NDUFC1: variants seen among roughly 807,000 people sequenced by gnomAD.
NDUFC1 encodes the protein NADH:ubiquinone oxidoreductase subunit C1, also known as NADH dehydrogenase [ubiquinone] 1 subunit C1, mitochondrial.
Under a neutral mutation model 11.6 loss-of-function variants are expected in NDUFC1, and 11 were observed. That is an observed-to-expected ratio of 0.95 (90% confidence interval 0.60 to 1.58). NDUFC1 has a LOEUF of 1.58. NDUFC1 is among the 40% of genes most tolerant of loss of function. The pLI is 0.00. For synonymous variants in NDUFC1, 52 were observed against 42.2 expected (o/e 1.23, Z -0.90); for missense variants, 112 against 93.0 (o/e 1.20, Z -0.84).
At chr4:139,291,498 C>A (rs1579057751) in intron 5 of NDUFC1, among the ~76,000 whole-genome samples, 1 of 151,894 alleles carries the variant, frequency 6.6e-6, no homozygotes, top group East Asian at 2.0e-4. Context: ...TTGCTTGAAC[C>A]TGGGAGGCGG....
intron 1 of NDUFC1, chr4:139,301,558 T>G: frequency 3.4e-6 from 2 of 580,230 alleles, no homozygotes; most frequent in Non-Finnish European, 6.1e-6. Context: ...CGGAGACCCG[T>G]AGTGGGGGAG....
At chr4:139,290,115 T>G (rs994503482) in intron 5 of NDUFC1, 23 bp from the exon 6 acceptor site, 9 of 150,342 alleles carry the variant, frequency 6.0e-5, no homozygotes, top group African/African-American at 1.7e-4. Context: ...AAAAAAAAAC[T>G]GTAGCATTAA....
chr4:139,295,671 G>A (rs1264138070), intron 3 of NDUFC1, 61 bp downstream of exon 3: 2 of 1,499,776 alleles, frequency 1.3e-6, no homozygotes, highest in East Asian at 5.1e-5. Flanking sequence ...CCCGTGGGCT[G>A]GGTCCGCCTT....
chr4:139,294,628 G>C (rs1327064462), intron 4 of NDUFC1, among the ~76,000 whole-genome samples: 1 of 151,754 alleles, frequency 6.6e-6, no homozygotes, highest in Non-Finnish European at 1.5e-5. Context: ...CTAGCTACTT[G>C]GGAGGCTGAG....
intron 4 of NDUFC1, 61 bp downstream of exon 4, chr4:139,294,982 G>A: frequency 7.9e-7 from 1 of 1,266,728 alleles, no homozygotes; most frequent in Non-Finnish European, 1.2e-6. Context: ...ATCTCGCAAT[G>A]TTATGTCATT....
chr4:139,293,875 C>T (rs1229171986), intron 4 of NDUFC1, among the ~76,000 whole-genome samples: 3 of 148,882 alleles, frequency 2.0e-5, no homozygotes, highest in South Asian at 2.1e-4. Context: ...GTAGGTGCCA[C>T]GTAGTGTTGT....
intron 4 of NDUFC1, among the ~76,000 whole-genome samples, chr4:139,293,922 T>C (rs1745338943): frequency 6.9e-6 from 1 of 145,134 alleles, no homozygotes; most frequent in Non-Finnish European, 1.5e-5. Flanking sequence ...GTAAAGCATG[T>C]GGTGTGAATT....
At chr4:139,296,864 A>G (rs901901363) in intron 2 of NDUFC1, among the ~76,000 whole-genome samples, 1 of 152,254 alleles carries the variant, frequency 6.6e-6, no homozygotes, top group African/African-American at 2.4e-5. Context: ...TTTTAAAACC[A>G]AAATAAATGT....
At chr4:139,294,769 T>C (rs1745385049) in intron 4 of NDUFC1, among the ~76,000 whole-genome samples, 1 of 151,820 alleles carries the variant, frequency 6.6e-6, no homozygotes, top group South Asian at 2.1e-4. Context: ...TACTATTTAG[T>C]AAAACTGCCA....
chr4:139,301,486 C>G (rs1319094909), intron 1 of NDUFC1: 1 of 454,778 alleles, frequency 2.2e-6, no homozygotes, highest in East Asian at 3.5e-5. Flanking sequence ...GTGGGAAAAC[C>G]CTCCGCGTCC....
At position 139,295,120 on chromosome 4, in the gene NDUFC1, G is replaced by C; in HGVS notation, c.94C>G (p.Arg32Gly). 3 of 1,614,146 alleles carry C rather than the reference G, an allele frequency of 1.9e-6. No individual in the cohort carries two copies. The highest frequency in any genetic ancestry group is 2.5e-6 in the Non-Finnish European group (3 of 1,180,002). The stretch of plus-strand genomic sequence containing the variant: ...TCAGGTTTGGCATTCGGCGGCTCTC[G>C]CACGTAGAACTTTGATCGCACTGAA... ...GPSVRSKFYV[R>G]EPPNAKPDWL... is the part of the protein sequence containing the mutation. The change falls in exon 4 of 6, where the codon CGA becomes GGA. Residue 32 changes from arginine to glycine, a missense_variant. Transcript: ENST00000394223.
intron 1 of NDUFC1, among the ~76,000 whole-genome samples, chr4:139,299,245 G>C (rs1274123173): frequency 6.6e-6 from 1 of 151,842 alleles, no homozygotes; most frequent in African/African-American, 2.4e-5. Flanking sequence ...TGGGATTACA[G>C]GTGTGAGCCA....
Position 139,293,930 on chromosome 4 carries a change from A to ATTTTTTTTTT in NDUFC1, c.171+1103_171+1112dup, listed in dbSNP as rs775805536. On this transcript the variant is annotated intron_variant, in intron 4 of 5. Transcript: ENST00000394223. ...TTTATGTGTAAAGCATGTGGTGTGA[A>ATTTTTTTTTT]TTTTTTTTTTTTTTTTTTTTTTTTT... Among the ~76,000 whole-genome samples the ATTTTTTTTTT allele has an allele frequency of 2.9e-3, 199 of 69,740 alleles. 14 individuals carry two copies. The highest frequency in any genetic ancestry group is 0.012 in the African/African-American group (185 of 15,742). 45.8% of individuals were successfully genotyped at this position (69,740 alleles called of 152,430 possible).
chr4:139,295,648 G>A, intron 3 of NDUFC1, 84 bp downstream of exon 3: 2 of 1,433,624 alleles, frequency 1.4e-6, no homozygotes, highest in African/African-American at 1.5e-5. Context: ...CCGGGCCGCT[G>A]CCGCCTCCTG....
intron 4 of NDUFC1, among the ~76,000 whole-genome samples, chr4:139,292,978 G>A (rs1002918125): frequency 6.3e-4 from 96 of 151,810 alleles, no homozygotes; most frequent in Admixed American, 4.9e-3. Flanking sequence ...CTGCCACCAC[G>A]CCTGGCTAAT....
At chr4:139,290,575 T>C (rs1745169499) in intron 5 of NDUFC1, among the ~76,000 whole-genome samples, 1 of 151,984 alleles carries the variant, frequency 6.6e-6, no homozygotes, top group African/African-American at 2.4e-5. Context: ...AAAAAAAGGA[T>C]AGTCTGTGAT....
At chr4:139,290,975 A>G (rs1299337616) in intron 5 of NDUFC1, among the ~76,000 whole-genome samples, 1 of 151,150 alleles carries the variant, frequency 6.6e-6, no homozygotes, top group African/African-American at 2.4e-5. Flanking sequence ...ATGCCTAGCT[A>G]TTTTTTGTGT....
At chr4:139,301,790 A>G (rs1745763595) in intron 1 of NDUFC1, 1 of 1,583,532 alleles carries the variant, frequency 6.3e-7, no homozygotes, top group Non-Finnish European at 8.6e-7. Flanking sequence ...GCCGGCCGTG[A>G]GCCTCCCGCC....
At chr4:139,301,954 C>A in intron 1 of NDUFC1, 2 of 1,080,850 alleles carry the variant, frequency 1.9e-6, no homozygotes, top group South Asian at 1.6e-5. Flanking sequence ...TCATAGCTCT[C>A]GTCAGGCCGA....
Sources: gnomAD v4.1 joint callset for allele counts (sites outside exome capture counted in the v4.1 genomes callset) on GRCh38, gnomAD v4.1.1 for gene constraint, MANE v1.5 for transcripts, NCBI Gene and HGNC (gene_info 2026-07-23, HGNC 2026-07-21) for gene names.